Variants in FZR1 observed in about 807,000 individuals in gnomAD.
FZR1 encodes the protein fizzy-related protein homolog.
Under a neutral mutation model 63.6 loss-of-function variants are expected in FZR1, and 11 were observed. The observed-to-expected ratio is 0.17, with a 90% CI of 0.11 to 0.29. FZR1 has a LOEUF of 0.29. FZR1 is among the 10% of genes least tolerant of loss of function. The pLI, the probability that FZR1 is intolerant of heterozygous loss-of-function variation, is 1.00. For missense variants in FZR1, 440 were observed against 687.5 expected, an observed-to-expected ratio of 0.64 and a Z score of 4.03; for synonymous variants, 328 against 297.9, an observed-to-expected ratio of 1.10 and a Z score of -1.04.
chr19:3,525,133 G>C lies in FZR1; in HGVS notation c.70-735G>C, dbSNP rs1003214629. 6.6e-6 allele frequency among the ~76,000 whole-genome samples: 1 copy of C among 152,152 alleles called. No homozygotes were observed. The highest frequency in any genetic ancestry group is 1.5e-5 in the Non-Finnish European group (1 of 68,032). ...AGGTGGCTCTGGGTACAGCTGTTGC[G>C]TGTCTTGTGCCGTCAAGGCCTGCGT... On this transcript the variant is annotated intron_variant, in intron 2 of 13. Coordinates refer to ENST00000441788, the MANE Select transcript of FZR1 (RefSeq NM_016263.4). This position sits in a 1 kb window ranked among gnomAD's most constrained non-coding sequence, Gnocchi z 4.2.
Position 3,525,015 on chromosome 19 carries a change from T to C in FZR1, c.70-853T>C, listed in dbSNP as rs1310411572. 6.6e-6 allele frequency among the ~76,000 whole-genome samples: 1 copy of C among 151,984 alleles called. No individual in the cohort carries two copies. The highest frequency in any genetic ancestry group is 1.5e-5 in the Non-Finnish European group (1 of 68,000). ...CGGTCAGCTGATAACAGACCCCTCATAGAAAAAAGACGGCGCGGGGACAGT... is the reference window on the plus strand; with the variant it reads ...CGGTCAGCTGATAACAGACCCCTCACAGAAAAAAGACGGCGCGGGGACAGT... On this transcript the variant is annotated intron_variant, in intron 2 of 13. Transcript: ENST00000441788. This position sits in a 1 kb window ranked among gnomAD's most constrained non-coding sequence, Gnocchi z 4.2.
At chr19:3,531,640 C>T (rs552491857) in intron 8 of FZR1, 74 bp from the exon 9 acceptor site, 117 of 1,047,454 alleles carry the variant, frequency 1.1e-4, no homozygotes, top group East Asian at 2.9e-4. Flanking sequence ...GAGCCTGGCG[C>T]GACCAACGCC....
intron 10 of FZR1, 47 bp downstream of exon 10, chr19:3,532,142 C>A: frequency 1.4e-6 from 2 of 1,441,808 alleles, no homozygotes; most frequent in Non-Finnish European, 1.8e-6. Context: ...GAAGCCGCAC[C>A]CCTCACACTG....
rs1354325228 is a variant in FZR1 at position 3,535,791 on chromosome 19, CCTGT to C, written c.*956_*959del. On this transcript the variant is annotated 3_prime_UTR_variant, in exon 14 of 14. Coordinates refer to ENST00000441788, the MANE Select transcript of FZR1 (RefSeq NM_016263.4). The stretch of plus-strand genomic sequence containing the variant: ...CGGTGTGGCCCCCGCCCCCAGGCTG[CCTGT>C]GTCTTCACCTGTCCTGTCCACCAGC... 1 of 152,398 alleles carries C rather than the reference CCTGT, an allele frequency of 6.6e-6. No homozygotes were observed. Among genetic ancestry groups the C allele is most frequent in the Non-Finnish European group, 1.5e-5 (1 of 68,170 alleles). 9.4% of individuals were successfully genotyped at this position (152,398 alleles called of 1,614,324 possible).
intron 11 of FZR1, 132 bp downstream of exon 11, chr19:3,532,782 C>T (rs375485651): frequency 7.5e-5 from 52 of 693,592 alleles, no homozygotes; most frequent in African/African-American, 6.5e-4. Flanking sequence ...CGAGGGAGGC[C>T]GAGCGGGGAG....
chr19:3,534,983 T>C lies in FZR1; in HGVS notation c.*147T>C. ...GAGCTGGGCCTGGAGGATCCTGGAG[T>C]CTCATTAAATGCCTGATTGTGAACC... On this transcript the variant is annotated 3_prime_UTR_variant, in exon 14 of 14. Coordinates refer to ENST00000441788, the MANE Select transcript of FZR1 (RefSeq NM_016263.4). 1.5e-6 allele frequency: 1 copy of C among 668,554 alleles called. No homozygotes were observed. The highest frequency in any genetic ancestry group is 2.7e-6 in the Non-Finnish European group (1 of 373,636). The allele number at this position is 668,554 out of a possible 1,614,324, so 41.4% of individuals were successfully genotyped here.
intron 1 of FZR1, among the ~76,000 whole-genome samples, chr19:3,509,648 C>T (rs2083010592): frequency 6.6e-6 from 1 of 152,238 alleles, no homozygotes; most frequent in Admixed American, 6.5e-5. Context: ...ACCTGTCTCC[C>T]CTGCCTCTGT....
rs1032959108 is a variant in FZR1 at position 3,514,875 on chromosome 19, C to T, written c.-34-8081C>T. ...TTTCCCAGGGGAACAGGAAGAAGCT[C>T]GAGACTGAAGGCTTGCCCGGGGCAG... On this transcript the variant is annotated intron_variant, in intron 1 of 13. Coordinates refer to ENST00000441788, the MANE Select transcript of FZR1 (RefSeq NM_016263.4). This position sits in a 1 kb window ranked among gnomAD's most constrained non-coding sequence, Gnocchi z 4.2. Among the ~76,000 whole-genome samples, 11 of 152,302 alleles carry T rather than the reference C, an allele frequency of 7.2e-5. No individual in the cohort carries two copies. Among genetic ancestry groups the T allele is most frequent in the Non-Finnish European group, 1.0e-4 (7 of 68,022 alleles).
At chr19:3,509,457 T>C (rs998300247) in intron 1 of FZR1, among the ~76,000 whole-genome samples, 5 of 152,234 alleles carry the variant, frequency 3.3e-5, no homozygotes, top group African/African-American at 1.2e-4. Context: ...CTTTATTTAA[T>C]TTTTGCTCGT....
At chr19:3,522,864 C>G (rs2083115623) in intron 1 of FZR1, 92 bp from the exon 2 acceptor site, 2 of 737,932 alleles carry the variant, frequency 2.7e-6, no homozygotes, top group Non-Finnish European at 2.5e-6. Context: ...CACAGTCACT[C>G]TAGCTCCCAG....
chr19:3,536,587 A>T lies in FZR1; in HGVS notation c.*1751A>T, dbSNP rs1162667198. The T allele has an allele frequency of 1.3e-5, 2 of 152,266 alleles. No individual in the cohort carries two copies. The highest frequency in any genetic ancestry group is 4.8e-5 in the African/African-American group (2 of 41,450). 9.4% of individuals were successfully genotyped at this position (152,266 alleles called of 1,614,324 possible). On this transcript the variant is annotated 3_prime_UTR_variant, in exon 14 of 14. Coordinates refer to ENST00000441788, the MANE Select transcript of FZR1 (RefSeq NM_016263.4). Reference sequence around the variant, plus strand: ...CAGTGCACAACCCACAGTGGCCTTCAGAGGCTCCTCCTGGGACTGGGAACC... The same window carrying T: ...CAGTGCACAACCCACAGTGGCCTTCTGAGGCTCCTCCTGGGACTGGGAACC...
At chr19:3,531,314 G>A (rs562944708) in intron 8 of FZR1, among the ~76,000 whole-genome samples, 2 of 152,262 alleles carry the variant, frequency 1.3e-5, no homozygotes, top group South Asian at 2.1e-4. Flanking sequence ...AGGCGTGTGC[G>A]CTCACCCTCC....
At chr19:3,510,536 G>A (rs527997157) in intron 1 of FZR1, among the ~76,000 whole-genome samples, 6 of 152,304 alleles carry the variant, frequency 3.9e-5, no homozygotes, top group Admixed American at 3.3e-4. Context: ...ATCAGATTTG[G>A]CCTGGGAACC....
chr19:3,520,526 C>T (rs2083092395), intron 1 of FZR1, among the ~76,000 whole-genome samples: 1 of 152,210 alleles, frequency 6.6e-6, no homozygotes, highest in African/African-American at 2.4e-5. Flanking sequence ...GTCCATGAGG[C>T]CTTGCAGAGG....
At chr19:3,522,306 C>G (rs148801867) in intron 1 of FZR1, among the ~76,000 whole-genome samples, 2 of 152,344 alleles carry the variant, frequency 1.3e-5, no homozygotes, top group East Asian at 1.9e-4. Context: ...CTCACCGCCA[C>G]TTTTCTTCAC....
intron 7 of FZR1, among the ~76,000 whole-genome samples, chr19:3,529,103 CGG>C (rs1568237388): frequency 5.2e-5 from 3 of 58,068 alleles, no homozygotes; most frequent in African/African-American, 1.3e-4. Flanking sequence ...GACGGTTGAG[CGG>C]ATGGGAGAGC....
At chr19:3,524,844 C>G (rs1369253805) in intron 2 of FZR1, among the ~76,000 whole-genome samples, 1 of 152,160 alleles carries the variant, frequency 6.6e-6, no homozygotes, top group Non-Finnish European at 1.5e-5. Context: ...TTTTCCTCTT[C>G]TTATGAGGAT....
At chr19:3,508,266 G>C (rs1010077478) in intron 1 of FZR1, among the ~76,000 whole-genome samples, 3 of 138,918 alleles carry the variant, frequency 2.2e-5, no homozygotes, top group Non-Finnish European at 4.5e-5. Context: ...GCGCGATCTC[G>C]GCTCACCGCA....
At position 3,526,377 on chromosome 19, in the gene FZR1, T is replaced by A. The variant is rs2083158125; in HGVS notation, c.378T>A (p.Gly126=). 5 of 1,590,720 alleles carry A rather than the reference T, an allele frequency of 3.1e-6. No homozygotes were observed. Among genetic ancestry groups the A allele is most frequent in the Non-Finnish European group, 4.3e-6 (5 of 1,170,254 alleles). ...AGCCCTCCACGCCTGAGAAGAAGGG[T>A]CTGTTCACGGTAAGCCTGCGGCACC... ...RLQPSTPEKK[G]LFTYSLSTKR... Residue 126 remains glycine, a synonymous_variant, in exon 5 of 14, where the codon GGT becomes GGA. Coordinates refer to ENST00000441788, the MANE Select transcript of FZR1 (RefSeq NM_016263.4). The surrounding 1 kb of genome is among the most constrained non-coding windows in gnomAD (Gnocchi z 5.4).
Sources: allele counts gnomAD v4.1 joint callset (sites outside exome capture counted in the v4.1 genomes callset), GRCh38; gene constraint gnomAD v4.1.1; non-coding constraint Gnocchi (gnomAD v3.1); transcripts MANE v1.5; gene names NCBI Gene and HGNC (gene_info 2026-07-23, HGNC 2026-07-21).